The following CCDC138 variants were observed in gnomAD, a reference collection of about 807,000 sequenced individuals.
CCDC138 encodes coiled-coil domain-containing protein 138.
In CCDC138, 66 loss-of-function variants were observed where a neutral mutation model predicts 82.3. The observed-to-expected ratio is 0.80, with a 90% CI of 0.66 to 0.98. CCDC138 has a LOEUF of 0.98. CCDC138 is among the 50% of genes least tolerant of loss of function. The pLI is 0.00. For missense variants in CCDC138, 816 were observed against 758.9 expected, an observed-to-expected ratio of 1.08 and a Z score of -0.88; for synonymous variants, 297 against 265.4, an observed-to-expected ratio of 1.12 and a Z score of -1.16.
intron 1 of CCDC138, 117 bp downstream of exon 1, chr2:108,787,032 C>T (rs952828533): frequency 1.5e-5 from 8 of 542,438 alleles, no homozygotes; most frequent in Middle Eastern, 5.8e-4. Flanking sequence ...CCCCGGCACT[C>T]CCGCCGTGGC....
Position 108,857,084 on chromosome 2 carries a change from T to A in CCDC138, c.1693+114T>A, listed in dbSNP as rs1692737016. The stretch of plus-strand genomic sequence containing the variant: ...ACTATTGCTTTTTTTTTTTTTTTTT[T>A]TTTTTTTTTTTTTGAGATGGAGTCT... On this transcript the variant is annotated intron_variant, in intron 13 of 14. Transcript: ENST00000295124. 5.7e-6 allele frequency: 3 copies of A among 528,286 alleles called. No homozygotes were observed. In the South Asian group the frequency reaches 9.4e-5, roughly 17 times the overall value. The allele number at this position is 528,286 out of a possible 1,614,324, so 32.7% of individuals were successfully genotyped here.
At chr2:108,882,198 A>G (rs760301960) in intron 1 of CCDC138, 2 of 152,256 alleles carry the variant, frequency 1.3e-5, no homozygotes, top group Non-Finnish European at 2.9e-5. Flanking sequence ...ACAGATCACC[A>G]TGACAGATAT....
rs1277781623 is a variant in CCDC138 at position 108,786,891 on chromosome 2, ACTCGGGGGCAG to A, written c.72_82del (p.Gly25ProfsTer5). On this transcript the variant is annotated frameshift_variant, in exon 1 of 15. Coordinates refer to ENST00000295124, the MANE Select transcript of CCDC138 (RefSeq NM_144978.3). LOFTEE classifies it high-confidence loss of function. ...TGGAGAGTCTCAAAAGCCGCTACGG[ACTCGGGGGCAG>A]CTGCCCCGACGAGGTGAAGCCGCCG... 6.4e-7 allele frequency: 1 copy of A among 1,557,116 alleles called. No homozygotes were observed. Among genetic ancestry groups the A allele is most frequent in the South Asian group, 1.2e-5 (1 of 85,276 alleles).
intron 13 of CCDC138, among the ~76,000 whole-genome samples, chr2:108,860,513 GTT>G (rs113913339): frequency 1.4e-5 from 2 of 142,094 alleles, no homozygotes; most frequent in Non-Finnish European, 1.6e-5. Flanking sequence ...GGTTGTTGAG[GTT>G]TTTTTTTTTT....
At chr2:108,850,616 T>C (rs1691306964) in intron 12 of CCDC138, among the ~76,000 whole-genome samples, 1 of 152,088 alleles carries the variant, frequency 6.6e-6, no homozygotes. Context: ...CACACCCTGC[T>C]AATTTTTTCT....
intron 13 of CCDC138, among the ~76,000 whole-genome samples, chr2:108,862,081 T>TG (rs998760425): frequency 1.5e-4 from 22 of 151,388 alleles, no homozygotes; most frequent in Admixed American, 2.6e-4. Context: ...ATTTCAGTTT[T>TG]TTTTTTTTTT....
chr2:108,816,771 C>T (rs1424450941), intron 10 of CCDC138, among the ~76,000 whole-genome samples: 1 of 152,180 alleles, frequency 6.6e-6, no homozygotes, highest in Non-Finnish European at 1.5e-5. Flanking sequence ...TCATTGCTTA[C>T]TGCAGCCTCC....
chr2:108,796,437 C>T (rs916862461), intron 5 of CCDC138, among the ~76,000 whole-genome samples: 5 of 152,124 alleles, frequency 3.3e-5, no homozygotes, highest in African/African-American at 9.7e-5. Context: ...GTTCCTTAAA[C>T]TATAAGTAGA....
intron 10 of CCDC138, among the ~76,000 whole-genome samples, chr2:108,822,764 C>T (rs1481863211): frequency 6.6e-6 from 1 of 152,054 alleles, no homozygotes; most frequent in East Asian, 1.9e-4. Context: ...ATACATCATA[C>T]CAAAATTTAT....
chr2:108,850,919 A>G (rs1157449545), intron 12 of CCDC138, among the ~76,000 whole-genome samples: 1 of 151,840 alleles, frequency 6.6e-6, no homozygotes, highest in African/African-American at 2.4e-5. Context: ...GCTCCAATTC[A>G]CTTCTGACAC....
intron 10 of CCDC138, among the ~76,000 whole-genome samples, chr2:108,837,439 T>C (rs777720792): frequency 1.3e-5 from 2 of 152,342 alleles, no homozygotes; most frequent in South Asian, 4.1e-4. Context: ...TGTATAATGA[T>C]GTTTAAGACA....
intron 11 of CCDC138, among the ~76,000 whole-genome samples, chr2:108,843,790 C>T (rs561263767): frequency 1.4e-4 from 20 of 146,712 alleles, no homozygotes; most frequent in East Asian, 4.0e-4. Flanking sequence ...TCTCTGGGCA[C>T]GTTTTTTGCC....
chr2:108,789,104 A>T, intron 3 of CCDC138, 138 bp downstream of exon 3: 1 of 676,156 alleles, frequency 1.5e-6, no homozygotes, highest in Non-Finnish European at 2.4e-6. Context: ...GGAGCCTGCT[A>T]AATAGTTGAA....
At chr2:108,825,355 G>T (rs1686379866) in intron 10 of CCDC138, among the ~76,000 whole-genome samples, 1 of 151,648 alleles carries the variant, frequency 6.6e-6, no homozygotes, top group Admixed American at 6.6e-5. Flanking sequence ...GTGCAATTCA[G>T]TGTTTTTTTT....
intron 13 of CCDC138, among the ~76,000 whole-genome samples, chr2:108,862,088 T>TG (rs1693722000): frequency 1.3e-5 from 2 of 151,244 alleles, no homozygotes; most frequent in Non-Finnish European, 2.9e-5. Context: ...TTTTTTTTTT[T>TG]TTTATTTGTT....
intron 13 of CCDC138, among the ~76,000 whole-genome samples, chr2:108,858,020 C>T (rs1377299193): frequency 6.6e-6 from 1 of 152,166 alleles, no homozygotes; most frequent in Admixed American, 6.5e-5. Context: ...AGTCAACAGT[C>T]AGTCACATTT....
At chr2:108,793,685 C>T (rs909921651) in intron 4 of CCDC138, among the ~76,000 whole-genome samples, 1 of 151,796 alleles carries the variant, frequency 6.6e-6, no homozygotes, top group African/African-American at 2.4e-5. Context: ...TAAGCTCCGC[C>T]TCCCGGATTC....
rs374206715 is a variant in CCDC138 at position 108,814,181 on chromosome 2, G to A, written c.1041+1254G>A. On this transcript the variant is annotated intron_variant, in intron 9 of 14. Transcript: ENST00000295124. ...TAAGAAACTGACAGTTTTCCAAATTGGTTGTACTGTTTTGTGTACAAATGG... is the reference window on the plus strand; with the variant it reads ...TAAGAAACTGACAGTTTTCCAAATTAGTTGTACTGTTTTGTGTACAAATGG... 1.1e-4 allele frequency among the ~76,000 whole-genome samples: 16 copies of A among 152,206 alleles called. 1 individual carries two copies. The East Asian group carries it at 2.1e-3, about 20-fold the overall frequency.
At chr2:108,883,225 C>G (rs960315164) in intron 2 of CCDC138, 11 of 152,296 alleles carry the variant, frequency 7.2e-5, no homozygotes, top group African/African-American at 2.6e-4. Context: ...ATACAAATCC[C>G]TGAAAATATT....
Sources: gnomAD v4.1 joint callset for allele counts (sites outside exome capture counted in the v4.1 genomes callset) on GRCh38, gnomAD v4.1.1 for gene constraint, MANE v1.5 for transcripts, NCBI Gene and HGNC (gene_info 2026-07-23, HGNC 2026-07-21) for gene names.